Variants in ZFHX3 observed in about 807,000 individuals in gnomAD.
ZFHX3 encodes zinc finger homeobox 3.
A neutral mutation model predicts 279.1 loss-of-function variants in ZFHX3; 42 were observed. The observed-to-expected ratio is 0.15, with a 90% CI of 0.12 to 0.19. ZFHX3 has a LOEUF of 0.19. Among genes scored for constraint, ZFHX3 ranks in the 10% least tolerant of loss-of-function variants. The pLI is 1.00. For synonymous variants in ZFHX3, 2,293 were observed against 1,957.8 expected (o/e 1.17, Z -4.52); for missense variants, 4,981 against 4,754.0 (o/e 1.05, Z -1.40).
intron 2 of ZFHX3, among the ~76,000 whole-genome samples, chr16:73,570,038 C>G (rs1383381665): frequency 6.6e-6 from 1 of 152,178 alleles, no homozygotes; most frequent in Non-Finnish European, 1.5e-5. Context: ...TATTAAAAGT[C>G]TTCTTTTCCT....
chr16:73,465,363 G>A (rs1266832644), intron 2 of ZFHX3, among the ~76,000 whole-genome samples: 1 of 152,146 alleles, frequency 6.6e-6, no homozygotes, highest in South Asian at 2.1e-4. Context: ...AATAGACCAG[G>A]GGAATCTCTT....
chr16:73,193,491 G>A (rs187876603), intron 5 of ZFHX3, among the ~76,000 whole-genome samples: 12 of 152,322 alleles, frequency 7.9e-5, no homozygotes, highest in Middle Eastern at 6.8e-3. Flanking sequence ...CAAGGAACAT[G>A]TTGACAGTTT....
At chr16:73,158,211 G>T (rs1967142304) in intron 5 of ZFHX3, among the ~76,000 whole-genome samples, 1 of 152,112 alleles carries the variant, frequency 6.6e-6, no homozygotes, top group South Asian at 2.1e-4. Context: ...TAGAAACCTG[G>T]GTTCCTGGAC....
At chr16:73,307,385 C>A (rs2015206173) in intron 4 of ZFHX3, among the ~76,000 whole-genome samples, 1 of 152,168 alleles carries the variant, frequency 6.6e-6, no homozygotes, top group Non-Finnish European at 1.5e-5. Flanking sequence ...CTGGGCTGAC[C>A]CCATGAGGAT....
At chr16:73,604,327 T>C (rs1285562428) in intron 2 of ZFHX3, among the ~76,000 whole-genome samples, 3 of 152,140 alleles carry the variant, frequency 2.0e-5, no homozygotes, top group Non-Finnish European at 4.4e-5. Flanking sequence ...ATAAACACTA[T>C]TTTTAAAAGA....
chr16:73,417,400 T>TC lies in ZFHX3; in HGVS notation c.-1291+38602_-1291+38603insG, dbSNP rs1360430218. On this transcript the variant is annotated intron_variant, in intron 3 of 17. Transcript: ENST00000641206. ...AGAAAAGGAATTTTTTCTTTTCTTT[T>TC]TTTTTTTTTTTTTTGGAGACAGGGT... is the stretch of plus-strand genomic sequence containing the variant. Among the ~76,000 whole-genome samples the TC allele has an allele frequency of 1.3e-3, 188 of 145,760 alleles. 6 individuals carry two copies. In the South Asian group the frequency reaches 0.019, roughly 14 times the overall value.
rs76914762 is a variant in ZFHX3, at chr16:73,769,676, C to T, written c.-1607-89436G>A. Among the ~76,000 whole-genome samples the T allele has an allele frequency of 3.8e-3, 571 of 152,224 alleles. 1 individual carries two copies. Among genetic ancestry groups the T allele is most frequent in the Middle Eastern group, 0.014 (4 of 294 alleles). Reference sequence around the variant, plus strand: ...ACCTTTTTAACCACTGAAACTACTTCTTTATTGAAGCTGAAAGATATTTAA... The same window carrying T: ...ACCTTTTTAACCACTGAAACTACTTTTTTATTGAAGCTGAAAGATATTTAA... On this transcript the variant is annotated intron_variant, in intron 1 of 17. Coordinates refer to the ZFHX3 transcript ENST00000641206.
intron 8 of ZFHX3, among the ~76,000 whole-genome samples, chr16:73,071,904 A>C (rs2044749762): frequency 6.6e-6 from 1 of 152,226 alleles, no homozygotes; most frequent in South Asian, 2.1e-4. Context: ...TCTCAGGCCA[A>C]GGGGCACAAG....
chr16:72,897,716 T>C (rs918471764), intron 3 of ZFHX3, among the ~76,000 whole-genome samples: 1 of 152,122 alleles, frequency 6.6e-6, no homozygotes, highest in Non-Finnish European at 1.5e-5. Flanking sequence ...GCTAGGATTA[T>C]AGATGTAAGT....
intron 3 of ZFHX3, among the ~76,000 whole-genome samples, chr16:73,365,033 C>A (rs940202167): frequency 6.6e-6 from 1 of 152,106 alleles, no homozygotes. Context: ...CCCTGTGGCG[C>A]CTCTCCCCCC....
intron 5 of ZFHX3, among the ~76,000 whole-genome samples, chr16:73,147,858 C>T (rs551824372): frequency 2.0e-5 from 3 of 152,050 alleles, no homozygotes; most frequent in African/African-American, 7.2e-5. Context: ...GGTGACAGAG[C>T]GAGATCCTCT....
At chr16:73,362,810 T>A (rs977777372) in intron 3 of ZFHX3, among the ~76,000 whole-genome samples, 1 of 152,218 alleles carries the variant, frequency 6.6e-6, no homozygotes, top group African/African-American at 2.4e-5. Context: ...GCTGTCTGAA[T>A]TAGGAAGCTA....
At chr16:73,219,027 C>T (rs557874500) in intron 5 of ZFHX3, among the ~76,000 whole-genome samples, 5 of 152,326 alleles carry the variant, frequency 3.3e-5, no homozygotes, top group Non-Finnish European at 7.3e-5. Flanking sequence ...AGATATTTCA[C>T]ATAAATGGAA....
intron 2 of ZFHX3, among the ~76,000 whole-genome samples, chr16:73,497,142 G>C (rs1265367878): frequency 6.6e-6 from 1 of 152,216 alleles, no homozygotes; most frequent in Non-Finnish European, 1.5e-5. Flanking sequence ...TTTATATATA[G>C]GTTCTGCCTT....
chr16:72,805,264 G>A (rs2036229131), intron 7 of ZFHX3, among the ~76,000 whole-genome samples: 1 of 152,054 alleles, frequency 6.6e-6, no homozygotes, highest in Non-Finnish European at 1.5e-5. Flanking sequence ...TTACAGGTGT[G>A]AGCCACTACG....
intron 3 of ZFHX3, among the ~76,000 whole-genome samples, chr16:73,449,063 C>A (rs1468340670): frequency 6.6e-6 from 1 of 152,006 alleles, no homozygotes; most frequent in Non-Finnish European, 1.5e-5. Context: ...TTCTCAAACT[C>A]GGAGTATGAC....
In ZFHX3 at chr16:73,044,652, G is replaced by A. The variant is rs367620005; in HGVS notation, c.-50+3100C>T. 9.7e-4 allele frequency among the ~76,000 whole-genome samples: 147 copies of A among 152,138 alleles called. 5 individuals are homozygous for A. In the South Asian group the frequency reaches 0.029, roughly 30 times the overall value. ...CTTTGAGATGGAGTTTCGGAGTTTC[G>A]CTCTTGTTGCCCAGGCTAGAATGCA... is the stretch of plus-strand genomic sequence containing the variant. On this transcript the variant is annotated intron_variant, in intron 1 of 9. Coordinates refer to ENST00000268489, the MANE Select transcript of ZFHX3 (RefSeq NM_006885.4).
At position 73,226,158 on chromosome 16, in the gene ZFHX3, T is replaced by C. The variant is rs140765445; in HGVS notation, c.-1104+30889A>G. 9.5e-4 allele frequency among the ~76,000 whole-genome samples: 145 copies of C among 152,338 alleles called. 1 individual carries two copies. Among genetic ancestry groups the C allele is most frequent in the Non-Finnish European group, 1.8e-3 (122 of 68,028 alleles). On this transcript the variant is annotated intron_variant, in intron 5 of 17. Transcript: ENST00000641206. ...AAACACTCAGGTCAGTCACTATAAA[T>C]AGCCATGTAGGCAGGACAACTGTAA...
chr16:73,429,954 C>G (rs1287279641), intron 3 of ZFHX3, among the ~76,000 whole-genome samples: 1 of 152,206 alleles, frequency 6.6e-6, no homozygotes, highest in African/African-American at 2.4e-5. Context: ...GTAGTGTGAT[C>G]TCTGCTCACT....
Sources: gnomAD v4.1 joint callset for allele counts (sites outside exome capture counted in the v4.1 genomes callset) on GRCh38, gnomAD v4.1.1 for gene constraint, MANE v1.5 for transcripts, NCBI Gene and HGNC (gene_info 2026-07-23, HGNC 2026-07-21) for gene names.